The following LRP1B variants were observed in gnomAD, a reference collection of about 807,000 sequenced individuals.
LRP1B encodes the protein low-density lipoprotein receptor-related protein 1B.
Under a neutral mutation model 556.6 loss-of-function variants are expected in LRP1B, and 217 were observed. The ratio of observed to expected loss-of-function variants is 0.39; its 90% CI spans 0.35 to 0.44. The LOEUF is 0.44. Among genes scored for constraint, LRP1B ranks in the 20% least tolerant of loss-of-function variants. The pLI, the probability that LRP1B is intolerant of heterozygous loss-of-function variation, is 1.00. For synonymous variants in LRP1B, 2,047 were observed against 1,865.8 expected (o/e 1.10, Z -2.50); for missense variants, 5,053 against 5,620.8 (o/e 0.90, Z 3.23).
At chr2:141,811,091 G>T (rs960107819) in intron 1 of LRP1B, among the ~76,000 whole-genome samples, 1 of 151,958 alleles carries the variant, frequency 6.6e-6, no homozygotes, top group South Asian at 2.1e-4. Flanking sequence ...TTTGAAATCT[G>T]CAGCCTTTCC....
intron 2 of LRP1B, among the ~76,000 whole-genome samples, chr2:141,702,618 G>A (rs530383349): frequency 6.6e-6 from 1 of 151,990 alleles, no homozygotes; most frequent in Non-Finnish European, 1.5e-5. Flanking sequence ...TCACAGGTTA[G>A]TAGGGAGCTA....
At chr2:140,465,826 A>G (rs984857317) in intron 60 of LRP1B, among the ~76,000 whole-genome samples, 2 of 152,122 alleles carry the variant, frequency 1.3e-5, no homozygotes, top group Non-Finnish European at 2.9e-5. Context: ...AAGACATTTT[A>G]GAAATGGCAG....
intron 76 of LRP1B, 50 bp from the exon 77 acceptor site, chr2:140,351,088 G>A (rs752290126): frequency 3.3e-6 from 4 of 1,204,194 alleles, no homozygotes; most frequent in East Asian, 2.6e-5. Context: ...TTCAACTAAT[G>A]TTAAAAGCAA....
chr2:141,359,267 G>GAA (rs60786833), intron 3 of LRP1B, among the ~76,000 whole-genome samples: 8,778 of 123,258 alleles, frequency 0.071, 347 homozygotes, highest in Middle Eastern at 0.15. Flanking sequence ...CAAAATAAAT[G>GAA]AAAAAAAAAA....
intron 15 of LRP1B, among the ~76,000 whole-genome samples, chr2:140,999,577 C>T (rs1244011626): frequency 6.6e-6 from 1 of 151,988 alleles, no homozygotes; most frequent in Non-Finnish European, 1.5e-5. Flanking sequence ...CAGAGATATG[C>T]AGTGATAGCC....
At chr2:141,938,798 T>C (rs12691627) in intron 1 of LRP1B, among the ~76,000 whole-genome samples, 56,356 of 151,926 alleles carry the variant, frequency 0.37, 11,476 homozygotes, top group Admixed American at 0.5. Flanking sequence ...ATATACATAA[T>C]ATATATGGAA....
intron 60 of LRP1B, among the ~76,000 whole-genome samples, chr2:140,470,976 C>T (rs1425646642): frequency 6.6e-6 from 1 of 152,144 alleles, no homozygotes. Context: ...CGTATTACTT[C>T]TTATCTAAAA....
intron 32 of LRP1B, among the ~76,000 whole-genome samples, chr2:140,789,388 A>G (rs1382096132): frequency 6.6e-6 from 1 of 152,080 alleles, no homozygotes; most frequent in Non-Finnish European, 1.5e-5. Flanking sequence ...GTTCTCCCCA[A>G]CAGAGCAATT....
At chr2:141,173,332 T>TA (rs923046973) in intron 7 of LRP1B, among the ~76,000 whole-genome samples, 12 of 152,108 alleles carry the variant, frequency 7.9e-5, no homozygotes, top group Non-Finnish European at 1.6e-4. Context: ...CATCCTCACA[T>TA]AAACCATCTC....
In LRP1B at chr2:140,325,870, C is replaced by G. The variant is rs745681903; in HGVS notation, c.12232G>C (p.Val4078Leu). The G allele has an allele frequency of 2.5e-6, 4 of 1,605,246 alleles. No individual in the cohort carries two copies. Among genetic ancestry groups the G allele is most frequent in the Non-Finnish European group, 3.4e-6 (4 of 1,172,968 alleles). Reference protein sequence around the residue: ...KNLQRPTGLAVDYFSERIYWA... With the variant: ...KNLQRPTGLALDYFSERIYWA... ...TATATGCGTTCACTAAAATAATCCA[C>G]AGCCAAACCTGCAAAATCAACACAC... Residue 4078 changes from valine (V) to leucine (L), a missense_variant, in exon 80 of 91, where the codon GTG (valine) becomes CTG (leucine). Physicochemically the swap from Val to Leu is conservative, Grantham distance 32 (BLOSUM62 1). Around this residue, in one of 5 missense-constraint regions of LRP1B, gnomAD observed 22 missense variants for 53.4 expected, o/e 0.41. Coordinates refer to ENST00000389484, the MANE Select transcript of LRP1B (RefSeq NM_018557.3).
intron 2 of LRP1B, among the ~76,000 whole-genome samples, chr2:141,779,196 A>G (rs529110563): frequency 6.6e-5 from 10 of 152,250 alleles, no homozygotes; most frequent in African/African-American, 1.9e-4. Context: ...CTGGGTCTTC[A>G]GATGTCAAAT....
At chr2:141,472,540 C>CA (rs1227148589) in intron 3 of LRP1B, among the ~76,000 whole-genome samples, 2 of 151,604 alleles carry the variant, frequency 1.3e-5, no homozygotes, top group South Asian at 2.1e-4. Flanking sequence ...GACTCCATCT[C>CA]AAAAAAAATT....
At chr2:141,551,444 T>C (rs1264725660) in intron 2 of LRP1B, among the ~76,000 whole-genome samples, 1 of 152,074 alleles carries the variant, frequency 6.6e-6, no homozygotes, top group Non-Finnish European at 1.5e-5. Flanking sequence ...ATAAATGCCA[T>C]CCAAGGTTAC....
At chr2:141,270,800 CCATTACTTAATG>C in intron 3 of LRP1B, among the ~76,000 whole-genome samples, 1 of 151,854 alleles carries the variant, frequency 6.6e-6, no homozygotes, top group Non-Finnish European at 1.5e-5. Flanking sequence ...AAACAAGAAT[CCATTACTTAATG>C]GATTACTTAA....
At position 140,813,779 on chromosome 2, in the gene LRP1B, T is replaced by C. The variant is rs1333241581; in HGVS notation, c.5237A>G (p.Lys1746Arg). ...ATTCCCTGAACTGATCCAATAAAGC[T>C]TGTTTTCCACATAGTCTATCGATAG... ...VGLSIDYVEN[K>R]LYWISSGNGT... The change falls in exon 32 of 91, where the codon AAG (lysine) becomes AGG (arginine). Residue 1746 changes from lysine (K) to arginine (R), a missense_variant. Lys to Arg is a conservative substitution (Grantham distance 26). Coordinates refer to ENST00000389484, the MANE Select transcript of LRP1B (RefSeq NM_018557.3). 1.2e-6 allele frequency: 2 copies of C among 1,609,130 alleles called. No homozygotes were observed. The highest frequency in any genetic ancestry group is 1.7e-6 in the Non-Finnish European group (2 of 1,175,872).
intron 2 of LRP1B, among the ~76,000 whole-genome samples, chr2:141,753,134 G>C (rs1694179617): frequency 6.8e-6 from 1 of 147,020 alleles, no homozygotes; most frequent in African/African-American, 2.5e-5. Context: ...TGTAATCCCA[G>C]CTACTCGGGA....
intron 41 of LRP1B, among the ~76,000 whole-genome samples, chr2:140,638,211 C>T (rs1245446290): frequency 6.6e-6 from 1 of 152,120 alleles, no homozygotes; most frequent in African/African-American, 2.4e-5. Context: ...TATGAGAAAA[C>T]TCTGACACAG....
At chr2:140,368,601 ATTTTTGTC>A (rs1263900540) in intron 71 of LRP1B, among the ~76,000 whole-genome samples, 3 of 151,806 alleles carry the variant, frequency 2.0e-5, no homozygotes, top group Non-Finnish European at 4.4e-5. Flanking sequence ...AGTATTTTGA[ATTTTTGTC>A]TTTTAAAGTA....
chr2:140,640,383 CTTTTTTTT>C (rs70988414), intron 41 of LRP1B, among the ~76,000 whole-genome samples: 110 of 48,454 alleles, frequency 2.3e-3, no homozygotes, highest in African/African-American at 6.7e-3. Context: ...GTCCTGTTTT[CTTTTTTTT>C]TTTTTTTTTT....
Sources: allele counts gnomAD v4.1 joint callset (sites outside exome capture counted in the v4.1 genomes callset), GRCh38; gene constraint gnomAD v4.1.1; regional missense constraint gnomAD v4.1.1; transcripts MANE v1.5; gene names NCBI Gene and HGNC (gene_info 2026-07-23, HGNC 2026-07-21).